The following NCOA6 variants were observed in gnomAD, a reference collection of about 807,000 sequenced individuals.
NCOA6 encodes nuclear receptor coactivator 6.
A neutral mutation model predicts 171.4 loss-of-function variants in NCOA6; 49 were observed. The ratio of observed to expected loss-of-function variants is 0.29; its 90% confidence interval spans 0.23 to 0.36. NCOA6 has a LOEUF of 0.36. NCOA6 is among the 10% of genes least tolerant of loss of function. NCOA6 has a pLI of 1.00. For missense variants in NCOA6, 2,248 were observed against 2,554.5 expected (o/e 0.88, Z 2.59); for synonymous variants, 910 against 927.5 (o/e 0.98, Z 0.34).
At chr20:34,738,587 CT>C (rs1379291326) in intron 11 of NCOA6, among the ~76,000 whole-genome samples, 4 of 152,204 alleles carry the variant, frequency 2.6e-5, no homozygotes, top group Non-Finnish European at 4.4e-5. Context: ...GAGCAGCAGA[CT>C]TCTTGAAGGC....
rs777969591 is a variant in NCOA6 at position 34,749,798 on chromosome 20, C to T, written c.2397G>A (p.Gln799=). Residue 799 remains glutamine (Q), a synonymous_variant, in exon 9 of 15, where the codon CAG becomes CAA. Coordinates refer to ENST00000359003, the MANE Select transcript of NCOA6 (RefSeq NM_014071.5). ...RPPGPSPHMA[Q]QHGDPATTAN... ...CTGTAGTAGCAGGATCACCATGCTGCTGGGCCATGTGTGGGCTGGGCCCTG... is the reference window on the plus strand; with the variant it reads ...CTGTAGTAGCAGGATCACCATGCTGTTGGGCCATGTGTGGGCTGGGCCCTG... The T allele has an allele frequency of 8.1e-6, 13 of 1,614,244 alleles. No homozygotes were observed. Among genetic ancestry groups the T allele is most frequent in the Middle Eastern group, 3.3e-4 (2 of 6,062 alleles).
chr20:34,726,774 G>A (rs2147014725), intron 14 of NCOA6, among the ~76,000 whole-genome samples: 1 of 149,830 alleles, frequency 6.7e-6, no homozygotes, highest in South Asian at 2.1e-4. Context: ...AACAGAATGA[G>A]ACTCCATCTC....
chr20:34,743,577 T>C (rs906868449), intron 10 of NCOA6, among the ~76,000 whole-genome samples: 1 of 152,078 alleles, frequency 6.6e-6, no homozygotes, highest in South Asian at 2.1e-4. Flanking sequence ...CCTCGGTGTG[T>C]AGGATCTGAA....
chr20:34,741,013 C>T lies in NCOA6; in HGVS notation c.5243G>A (p.Cys1748Tyr). 6.2e-7 allele frequency: 1 copy of T among 1,614,122 alleles called. No homozygotes were observed. Among genetic ancestry groups the T allele is most frequent in the Non-Finnish European group, 8.5e-7 (1 of 1,180,024 alleles). Residue 1748 changes from cysteine (C) to tyrosine (Y), a missense_variant, in exon 11 of 15, where the codon TGT becomes TAT. Cys to Tyr is a radical substitution (Grantham distance 194). Around this residue, in one of 7 missense-constraint regions of NCOA6, gnomAD observed 884 missense variants for 941.9 expected, o/e 0.94. Coordinates refer to ENST00000359003, the MANE Select transcript of NCOA6 (RefSeq NM_014071.5). The part of the protein sequence containing the change: ...ATPVQLPSPP[C>Y]TSSPVVPSHP... ...AGAAGGGACAACTGGAGAAGACGTA[C>T]AAGGAGGGGAAGGAAGCTGAACAGG...
intron 8 of NCOA6, 25 bp from the exon 9 acceptor site, chr20:34,750,544 T>C: frequency 6.5e-7 from 1 of 1,543,474 alleles, no homozygotes. Context: ...AAGTCACAGT[T>C]TCAGAAATAA....
intron 13 of NCOA6, among the ~76,000 whole-genome samples, chr20:34,730,775 A>C (rs993174204): frequency 1.4e-5 from 2 of 146,122 alleles, no homozygotes; most frequent in Admixed American, 1.4e-4. Flanking sequence ...TGCAGTGAGC[A>C]CGACCATGGC....
At position 34,742,024 on chromosome 20, in the gene NCOA6, A is replaced by C. The variant is rs773675374; in HGVS notation, c.4232T>G (p.Val1411Gly). Reference sequence around the variant, plus strand: ...CAAGCTCTCCTTGTTATCCTCAACAACACCCCCAACTGCAGCCACAGACAC... The same window carrying C: ...CAAGCTCTCCTTGTTATCCTCAACACCACCCCCAACTGCAGCCACAGACAC... Reference protein sequence around the residue: ...STVSVAAVGGVVEDNKESLNV... With the variant: ...STVSVAAVGGGVEDNKESLNV... The change falls in exon 11 of 15, where the codon GTT (valine) becomes GGT (glycine). Residue 1411 changes from valine to glycine, a missense_variant. Transcript: ENST00000359003. 3 of 1,614,130 alleles carry C rather than the reference A, an allele frequency of 1.9e-6. No individual in the cohort carries two copies. The highest frequency in any genetic ancestry group is 2.5e-6 in the Non-Finnish European group (3 of 1,180,014).
intron 1 of NCOA6, chr20:34,809,575 G>A (rs2078582946): frequency 5.0e-6 from 2 of 397,926 alleles, no homozygotes; most frequent in South Asian, 2.6e-4. Context: ...CAGAAGAAAA[G>A]ACTACATATA....
At chr20:34,759,335 C>T (rs1284210212) in intron 5 of NCOA6, among the ~76,000 whole-genome samples, 2 of 152,128 alleles carry the variant, frequency 1.3e-5, no homozygotes, top group East Asian at 1.9e-4. Context: ...CTACTGCACC[C>T]GGCCTGGAAG....
rs1183035582 is a variant in NCOA6 at position 34,741,825 on chromosome 20, T to A, written c.4431A>T (p.Lys1477Asn). The A allele has an allele frequency of 1.2e-6, 2 of 1,614,196 alleles. No individual in the cohort carries two copies. The highest frequency in any genetic ancestry group is 1.7e-6 in the Non-Finnish European group (2 of 1,180,030). ...PNKLPSVEENKNLVSPAMREA... is the reference protein window; with the variant it reads ...PNKLPSVEENNNLVSPAMREA... ...CCCTCATAGCAGGAGACACCAAATT[T>A]TTGTTCTCTTCGACACTGGGAAGTT... The change falls in exon 11 of 15, where the codon AAA becomes AAT. Residue 1477 changes from lysine to asparagine, a missense_variant. Around this residue, in one of 7 missense-constraint regions of NCOA6, gnomAD observed 884 missense variants for 941.9 expected, o/e 0.94. Coordinates refer to ENST00000359003, the MANE Select transcript of NCOA6 (RefSeq NM_014071.5).
rs200621827 is a variant in NCOA6, at chr20:34,758,822, C to G, written c.626G>C (p.Arg209Pro). 6.2e-7 allele frequency: 1 copy of G among 1,612,754 alleles called. No individual in the cohort carries two copies. The highest frequency in any genetic ancestry group is 8.5e-7 in the Non-Finnish European group (1 of 1,179,666). ...GTCATTACCTGACTGAGAAGCAGGG[C>G]GAGGAGTCCTGGGCTGCAGCTCTGG... is the stretch of plus-strand genomic sequence containing the variant. ...PNPELQPRTP[R>P]PASQSDAMDP... Residue 209 changes from arginine to proline, a missense_variant, in exon 6 of 15, where the codon CGC (arginine) becomes CCC (proline). Coordinates refer to ENST00000359003, the MANE Select transcript of NCOA6 (RefSeq NM_014071.5).
At chr20:34,734,391 A>T (rs1359584051) in intron 12 of NCOA6, among the ~76,000 whole-genome samples, 1 of 151,436 alleles carries the variant, frequency 6.6e-6, no homozygotes, top group African/African-American at 2.4e-5. Flanking sequence ...GGATGGTCTC[A>T]CTCTGTCTCC....
intron 8 of NCOA6, among the ~76,000 whole-genome samples, chr20:34,753,676 TA>T (rs1351774486): frequency 2.7e-5 from 4 of 145,660 alleles, no homozygotes; most frequent in African/African-American, 7.5e-5. Flanking sequence ...CAAAACAAAA[TA>T]AAAAAAAAAC....
rs971029511 is a variant in NCOA6, at chr20:34,743,035, C to A, written c.3221G>T (p.Gly1074Val). ...DSQRMPMQQS[G>V]SVPVMVSLQG... is the part of the protein sequence containing the mutation. ...CAGACTGACCATGACAGGCACACTGCCACTCTGTTGCATGGGCATTCTCTG... is the reference window on the plus strand; with the variant it reads ...CAGACTGACCATGACAGGCACACTGACACTCTGTTGCATGGGCATTCTCTG... Residue 1074 changes from glycine (G) to valine (V), a missense_variant, in exon 11 of 15, where the codon GGC becomes GTC. Gly to Val is a moderately radical substitution (Grantham distance 109). Around this residue, in one of 7 missense-constraint regions of NCOA6, gnomAD observed 352 missense variants for 419.1 expected, o/e 0.84. Transcript: ENST00000359003. 2.0e-5 allele frequency: 32 copies of A among 1,613,720 alleles called. No individual in the cohort carries two copies. The highest frequency in any genetic ancestry group is 2.7e-5 in the Non-Finnish European group (32 of 1,179,788).
At chr20:34,804,731 T>C (rs548213038) in intron 1 of NCOA6, among the ~76,000 whole-genome samples, 65 of 152,098 alleles carry the variant, frequency 4.3e-4, no homozygotes, top group Non-Finnish European at 8.5e-4. Context: ...TAACTGTATA[T>C]ATACATGGGG....
At chr20:34,799,988 C>T (rs1181960538) in intron 1 of NCOA6, among the ~76,000 whole-genome samples, 3 of 152,146 alleles carry the variant, frequency 2.0e-5, no homozygotes, top group Non-Finnish European at 4.4e-5. Context: ...CTACTCATAT[C>T]TCAAGTAGAA....
chr20:34,802,021 A>G (rs763645064), intron 1 of NCOA6, among the ~76,000 whole-genome samples: 14 of 152,232 alleles, frequency 9.2e-5, no homozygotes, highest in Non-Finnish European at 1.8e-4. Flanking sequence ...AAAATAGTGA[A>G]GAGAATAGTT....
At chr20:34,771,177 G>C (rs1485541723) in intron 4 of NCOA6, among the ~76,000 whole-genome samples, 1 of 152,106 alleles carries the variant, frequency 6.6e-6, no homozygotes, top group African/African-American at 2.4e-5. Context: ...GAGTGCAGTG[G>C]TGAGATCACA....
At chr20:34,718,245 T>C (rs1988850806) in intron 14 of NCOA6, among the ~76,000 whole-genome samples, 1 of 152,198 alleles carries the variant, frequency 6.6e-6, no homozygotes, top group African/African-American at 2.4e-5. Flanking sequence ...TCACCTTCCC[T>C]GGATAAATCC....
Sources: allele counts gnomAD v4.1 joint callset (sites outside exome capture counted in the v4.1 genomes callset), GRCh38; gene constraint gnomAD v4.1.1; regional missense constraint gnomAD v4.1.1; transcripts MANE v1.5; gene names NCBI Gene and HGNC (gene_info 2026-07-23, HGNC 2026-07-21).